TARS3: variants seen among roughly 807,000 people sequenced by gnomAD.
The protein encoded by TARS3 is threonyl-tRNA synthetase 3.
Under a neutral mutation model 103.5 loss-of-function variants are expected in TARS3, and 94 were observed. That is an observed-to-expected ratio of 0.91 (90% CI 0.77 to 1.08). The LOEUF (loss-of-function observed/expected upper bound fraction) is 1.08, where lower values mean the gene tolerates loss of function less well. Ranked by LOEUF, TARS3 falls within the 50% of genes least tolerant of loss-of-function variation. TARS3 has a pLI of 0.00. For synonymous variants in TARS3, 416 were observed against 355.4 expected (o/e 1.17, Z -1.92); for missense variants, 952 against 995.2 (o/e 0.96, Z 0.58).
At chr15:101,712,920 A>G (rs1341896773) in intron 4 of TARS3, among the ~76,000 whole-genome samples, 1 of 152,252 alleles carries the variant, frequency 6.6e-6, no homozygotes, top group Non-Finnish European at 1.5e-5. Context: ...TGATTTGCAG[A>G]CAGACCCAGA....
chr15:101,696,320 T>C (rs916938735), intron 10 of TARS3, among the ~76,000 whole-genome samples: 1 of 151,476 alleles, frequency 6.6e-6, no homozygotes, highest in Non-Finnish European at 1.5e-5. Flanking sequence ...CTACCAGCAG[T>C]AAGTGTTATA....
At chr15:101,674,257 G>T (rs1279470412) in intron 13 of TARS3, among the ~76,000 whole-genome samples, 1 of 152,138 alleles carries the variant, frequency 6.6e-6, no homozygotes, top group Non-Finnish European at 1.5e-5. Context: ...CTGAACCATG[G>T]CCTCAAAGCA....
intron 5 of TARS3, among the ~76,000 whole-genome samples, chr15:101,711,577 T>C (rs1379132551): frequency 1.3e-5 from 2 of 152,250 alleles, no homozygotes; most frequent in African/African-American, 4.8e-5. Context: ...TCCTTATGAT[T>C]TTCTTAACAT....
intron 17 of TARS3, 99 bp from the exon 18 acceptor site, chr15:101,657,135 T>C: frequency 2.7e-6 from 2 of 736,822 alleles, no homozygotes; most frequent in Admixed American, 2.5e-5. Context: ...CTTTGTATAG[T>C]TCCCTGCTCA....
At chr15:101,719,964 G>C (rs1422413451) in intron 3 of TARS3, among the ~76,000 whole-genome samples, 1 of 152,206 alleles carries the variant, frequency 6.6e-6, no homozygotes, top group East Asian at 1.9e-4. Flanking sequence ...CAAGTTTCCA[G>C]GTGATGCCCA....
chr15:101,661,145 A>ACCACAGGATGCACCACTCAAAAAG (rs1233529777), intron 16 of TARS3, among the ~76,000 whole-genome samples: 5 of 99,632 alleles, frequency 5.0e-5, no homozygotes, highest in African/African-American at 2.3e-4. Context: ...CACTCAAAAA[A>ACCACAGGATGCACCACTCAAAAAG]GACCACAAGA....
intron 5 of TARS3, among the ~76,000 whole-genome samples, chr15:101,710,287 T>C (rs1186337861): frequency 2.0e-5 from 3 of 152,280 alleles, no homozygotes; most frequent in Middle Eastern, 3.4e-3. Context: ...TCTCTATCCT[T>C]TGTAACATCC....
rs1897114973 is a variant in TARS3 at position 101,654,223 on chromosome 15, T to C, written c.*359A>G. 2 of 176,632 alleles carry C rather than the reference T, an allele frequency of 1.1e-5. No individual in the cohort carries two copies. The highest frequency in any genetic ancestry group is 6.3e-5 in the Admixed American group (1 of 15,996). The allele number at this position is 176,632 out of a possible 1,614,324, so 10.9% of individuals were successfully genotyped here. On this transcript the variant is annotated 3_prime_UTR_variant, in exon 19 of 19. Coordinates refer to ENST00000335968, the MANE Select transcript of TARS3 (RefSeq NM_152334.3). ...TATTAGAAAATAAGATTTTCCCTCC[T>C]ATTTAAAAAAAACTCTGCAGACTTT...
intron 15 of TARS3, 139 bp downstream of exon 15, chr15:101,671,347 G>C (rs1266996114): frequency 1.6e-6 from 1 of 631,442 alleles, no homozygotes. Context: ...ACTGGATTAT[G>C]ATCAGGTAAA....
chr15:101,675,603 C>T lies in TARS3; in HGVS notation c.1785G>A (p.Glu595=), dbSNP rs1461853147. The T allele has an allele frequency of 7.4e-6, 12 of 1,612,750 alleles. No individual in the cohort carries two copies. The highest frequency in any genetic ancestry group is 4.5e-5 in the East Asian group (2 of 44,864). ...LGEIEMWNEA[E]KQLQNSLMDF... ...AAGCACAAGGTGTGTCTCTTACCTT[C>T]TCAGCCTCATTCCACATCTCAATCT... The change falls in exon 13 of 19, where the codon GAG becomes GAA. Residue 595 remains glutamate, a synonymous_variant. Coordinates refer to ENST00000335968, the MANE Select transcript of TARS3 (RefSeq NM_152334.3).
chr15:101,656,841 G>A (rs1392363648), intron 18 of TARS3, 81 bp downstream of exon 18: 1 of 815,318 alleles, frequency 1.2e-6, no homozygotes, highest in Non-Finnish European at 2.0e-6. Context: ...TCAAGTAGTT[G>A]AACCATATTT....
At chr15:101,694,077 CA>C (rs1898857539) in intron 10 of TARS3, among the ~76,000 whole-genome samples, 7 of 151,940 alleles carry the variant, frequency 4.6e-5, no homozygotes, top group Admixed American at 3.9e-4. Context: ...AGATATTTTC[CA>C]GAATGCAGGG....
Position 101,724,339 on chromosome 15 carries a change from G to A in TARS3, c.49C>T (p.Arg17Trp). The A allele has an allele frequency of 6.4e-7, 1 of 1,555,162 alleles. No homozygotes were observed. Among genetic ancestry groups the A allele is most frequent in the Non-Finnish European group, 8.6e-7 (1 of 1,157,186 alleles). The change falls in exon 1 of 19, where the codon CGG (arginine) becomes TGG (tryptophan). Residue 17 changes from arginine (R) to tryptophan (W), a missense_variant. Coordinates refer to ENST00000335968, the MANE Select transcript of TARS3 (RefSeq NM_152334.3). ...AAEAVASRLE[R>W]QEEDIRWLWS... ...AGCCAGCGGATGTCCTCCTCCTGCC[G>A]CTCCAGGCGCGACGCCACGGCCTCC...
chr15:101,686,255 T>A (rs1349909926), intron 10 of TARS3, among the ~76,000 whole-genome samples, 193 bp from the exon 11 acceptor site: 1 of 152,238 alleles, frequency 6.6e-6, no homozygotes, highest in Non-Finnish European at 1.5e-5. Flanking sequence ...GTATAATTTC[T>A]ATTGAGTATA....
At chr15:101,679,818 G>C (rs914021760) in intron 12 of TARS3, among the ~76,000 whole-genome samples, 4 of 152,220 alleles carry the variant, frequency 2.6e-5, no homozygotes, top group Non-Finnish European at 5.9e-5. Context: ...TTACTGGCAA[G>C]TGGGAAAAGC....
Position 101,657,822 on chromosome 15 carries a change from A to G in TARS3, c.2108T>C (p.Ile703Thr). ...FWLSPRQVMV[I>T]PVGPTCEKYA... is the part of the protein sequence containing the mutation. ...TTTTTCACAAGTTGGCCCCACAGGG[A>G]TGACCATCACCTGACGAGGAGATAG... Residue 703 changes from isoleucine (I) to threonine (T), a missense_variant, in exon 17 of 19, where the codon ATC becomes ACC. Physicochemically the swap from Ile to Thr is moderately conservative, Grantham distance 89 (BLOSUM62 -1). Transcript: ENST00000335968. The G allele has an allele frequency of 1.2e-6, 2 of 1,610,100 alleles. No individual in the cohort carries two copies. Among genetic ancestry groups the G allele is most frequent in the Non-Finnish European group, 1.7e-6 (2 of 1,177,770 alleles).
chr15:101,664,246 G>A (rs1425181971), intron 15 of TARS3: 1 of 152,262 alleles, frequency 6.6e-6, no homozygotes, highest in Admixed American at 6.5e-5. Context: ...TGGCTGGCTG[G>A]GCTGATTTGT....
At chr15:101,719,405 A>C (rs1313693771) in intron 3 of TARS3, among the ~76,000 whole-genome samples, 2 of 152,136 alleles carry the variant, frequency 1.3e-5, no homozygotes, top group Non-Finnish European at 2.9e-5. Context: ...TCACTTGGGG[A>C]GTGAGTGTGT....
chr15:101,689,615 C>T (rs559822011), intron 10 of TARS3, among the ~76,000 whole-genome samples: 4 of 152,192 alleles, frequency 2.6e-5, no homozygotes, highest in East Asian at 1.9e-4. Flanking sequence ...ATGGGAATGA[C>T]GCTTCAACAA....
Sources: allele counts gnomAD v4.1 joint callset (sites outside exome capture counted in the v4.1 genomes callset), GRCh38; gene constraint gnomAD v4.1.1; transcripts MANE v1.5; gene names NCBI Gene and HGNC (gene_info 2026-07-23, HGNC 2026-07-21).